The following DLGAP1 variants were observed in gnomAD, a reference collection of about 807,000 sequenced individuals.
The protein encoded by DLGAP1 is DLG associated protein 1.
In DLGAP1, 11 loss-of-function variants were observed where a neutral mutation model predicts 90.8. The observed-to-expected ratio is 0.12, with a 90% CI of 0.08 to 0.20. DLGAP1 has a LOEUF of 0.20. Among genes scored for constraint, DLGAP1 ranks in the 10% least tolerant of loss-of-function variants. DLGAP1 has a pLI of 1.00. For synonymous variants in DLGAP1, 558 were observed against 540.7 expected, an observed-to-expected ratio of 1.03 and a Z score of -0.44; for missense variants, 1,050 against 1,333.8, an observed-to-expected ratio of 0.79 and a Z score of 3.31.
intron 7 of DLGAP1, among the ~76,000 whole-genome samples, chr18:3,588,459 C>CA (rs149523529): frequency 0.011 from 1,401 of 125,380 alleles, 28 homozygotes; most frequent in African/African-American, 0.037. Context: ...AACTCCGTCT[C>CA]AAAAAAAAAA....
chr18:3,733,580 CTT>C (rs1244485951), intron 6 of DLGAP1, among the ~76,000 whole-genome samples: 4 of 152,032 alleles, frequency 2.6e-5, no homozygotes, highest in Non-Finnish European at 5.9e-5. Context: ...CCATTTTTGA[CTT>C]AAGGTATTTT....
intron 7 of DLGAP1, among the ~76,000 whole-genome samples, chr18:3,669,017 G>A (rs1217500318): frequency 6.6e-6 from 1 of 151,604 alleles, no homozygotes; most frequent in Non-Finnish European, 1.5e-5. Flanking sequence ...AAAAGCAATA[G>A]AATGATCTAC....
intron 4 of DLGAP1, among the ~76,000 whole-genome samples, chr18:3,830,965 TA>T (rs1203016303): frequency 6.6e-6 from 1 of 152,226 alleles, no homozygotes; most frequent in Non-Finnish European, 1.5e-5. Context: ...AACTGAGAAA[TA>T]AAGTATGGAC....
chr18:4,093,183 T>TGG (rs1365869949), intron 2 of DLGAP1, among the ~76,000 whole-genome samples: 1 of 152,212 alleles, frequency 6.6e-6, no homozygotes, highest in Non-Finnish European at 1.5e-5. Context: ...GTGGTTGATG[T>TGG]TTCCTTTCAA....
chr18:3,814,040 C>T lies in DLGAP1; in HGVS notation c.1172+19G>A. ...ACAAGCACCTGGACTATCGCAAGTG[C>T]AGGGTTAGGACTACTCACTTGAGTG... On this transcript the variant is annotated intron_variant, in intron 5 of 12. Transcript: ENST00000315677. 6.2e-7 allele frequency: 1 copy of T among 1,612,030 alleles called. No individual in the cohort carries two copies.
chr18:3,733,600 C>A (rs1322106805), intron 6 of DLGAP1, among the ~76,000 whole-genome samples: 1 of 152,134 alleles, frequency 6.6e-6, no homozygotes, highest in Non-Finnish European at 1.5e-5. Context: ...TTTCAACTCA[C>A]AATGGGTCTA....
chr18:3,818,962 G>A (rs1320152320), intron 4 of DLGAP1, among the ~76,000 whole-genome samples: 1 of 151,888 alleles, frequency 6.6e-6, no homozygotes, highest in Non-Finnish European at 1.5e-5. Context: ...TGGAAGTGGA[G>A]TATCTTTTGG....
chr18:4,360,354 C>CA, intron 1 of DLGAP1, among the ~76,000 whole-genome samples: 1 of 152,118 alleles, frequency 6.6e-6, no homozygotes, highest in Non-Finnish European at 1.5e-5. Flanking sequence ...TGAGACAAAG[C>CA]AAAAGGAGTG....
At chr18:4,279,925 A>G (rs993093716) in intron 1 of DLGAP1, among the ~76,000 whole-genome samples, 2 of 152,214 alleles carry the variant, frequency 1.3e-5, no homozygotes, top group African/African-American at 4.8e-5. Context: ...TGAACCAAAA[A>G]TCTGATTTAT....
At chr18:4,056,502 T>C (rs28385485) in intron 2 of DLGAP1, among the ~76,000 whole-genome samples, 17,534 of 152,196 alleles carry the variant, frequency 0.12, 1,330 homozygotes, top group East Asian at 0.34. Flanking sequence ...CAACACATGG[T>C]TTTTAGATCC....
At chr18:3,777,499 T>G (rs546438796) in intron 5 of DLGAP1, among the ~76,000 whole-genome samples, 4 of 152,216 alleles carry the variant, frequency 2.6e-5, no homozygotes, top group Admixed American at 6.5e-5. Context: ...ATGGGTTATA[T>G]AAGTTTATAT....
chr18:4,002,210 C>T (rs183284046), intron 3 of DLGAP1, among the ~76,000 whole-genome samples: 1 of 152,250 alleles, frequency 6.6e-6, no homozygotes, highest in African/African-American at 2.4e-5. Flanking sequence ...ATTTTAGCAA[C>T]GAAACTTTTA....
chr18:3,741,029 C>CCACCACCAT (rs1568047727), intron 6 of DLGAP1, among the ~76,000 whole-genome samples: 6 of 88,802 alleles, frequency 6.8e-5, no homozygotes, highest in Non-Finnish European at 6.5e-5. Context: ...ACCACCACCA[C>CCACCACCAT]CACCACCATC....
At chr18:3,691,818 G>A (rs374014505) in intron 7 of DLGAP1, among the ~76,000 whole-genome samples, 3 of 152,216 alleles carry the variant, frequency 2.0e-5, no homozygotes, top group East Asian at 3.9e-4. Context: ...TATTTGGGAG[G>A]CTGAGATGGG....
At chr18:3,770,510 C>T (rs977537275) in intron 5 of DLGAP1, among the ~76,000 whole-genome samples, 1 of 152,096 alleles carries the variant, frequency 6.6e-6, no homozygotes, top group African/African-American at 2.4e-5. Flanking sequence ...TTTGATGTGC[C>T]ATGAAACACA....
Position 3,699,746 on chromosome 18 carries a change from T to C in DLGAP1, c.1591+29389A>G, listed in dbSNP as rs186436917. Among the ~76,000 whole-genome samples, 45 of 152,336 alleles carry C rather than the reference T, an allele frequency of 3.0e-4. 1 individual carries two copies. Among genetic ancestry groups the C allele is most frequent in the Admixed American group, 2.5e-3 (39 of 15,306 alleles). On this transcript the variant is annotated intron_variant, in intron 7 of 12. Coordinates refer to ENST00000315677, the MANE Select transcript of DLGAP1 (RefSeq NM_004746.4). ...CTGAAGCTGTCTCCATAGCTGCCCC[T>C]TCCCCCAGGTGCTCTGTCCCAGGGA...
intron 1 of DLGAP1, among the ~76,000 whole-genome samples, chr18:4,225,629 G>A (rs1156888267): frequency 6.6e-6 from 1 of 150,772 alleles, no homozygotes; most frequent in African/African-American, 2.4e-5. Context: ...AAGAAATCAA[G>A]CAGAAAAAAG....
At chr18:4,132,625 A>G (rs1051811968) in intron 2 of DLGAP1, among the ~76,000 whole-genome samples, 3 of 152,190 alleles carry the variant, frequency 2.0e-5, no homozygotes, top group African/African-American at 7.2e-5. Flanking sequence ...TATAAGCATC[A>G]TATCATCCTA....
intron 3 of DLGAP1, among the ~76,000 whole-genome samples, chr18:3,940,992 T>A (rs150468207): frequency 6.6e-6 from 1 of 152,162 alleles, no homozygotes; most frequent in African/African-American, 2.4e-5. Context: ...TGTTGGTCTA[T>A]TGAGCAGCTC....
Sources: allele counts gnomAD v4.1 joint callset (sites outside exome capture counted in the v4.1 genomes callset), GRCh38; gene constraint gnomAD v4.1.1; transcripts MANE v1.5; gene names NCBI Gene and HGNC (gene_info 2026-07-23, HGNC 2026-07-21).